C12orf42: variants seen among roughly 807,000 people sequenced by gnomAD.
C12orf42 encodes uncharacterized protein C12orf42.
A neutral mutation model predicts 21.6 loss-of-function variants in C12orf42; 25 were observed. The ratio of observed to expected loss-of-function variants is 1.16; its 90% CI spans 0.84 to 1.62. The LOEUF is 1.62. Among genes scored for constraint, C12orf42 ranks in the 40% most tolerant of loss-of-function variants. C12orf42 has a pLI of 0.00. For synonymous variants in C12orf42, 174 were observed against 175.0 expected, an observed-to-expected ratio of 0.99 and a Z score of 0.05; for missense variants, 483 against 459.3, an observed-to-expected ratio of 1.05 and a Z score of -0.47.
chr12:103,169,573 C>T, the C12orf42 span, among the ~76,000 whole-genome samples: 3 of 152,066 alleles, frequency 2.0e-5, no homozygotes, highest in African/African-American at 7.2e-5. Flanking sequence ...CTAGAAAACC[C>T]ACCTCCAGTG....
At chr12:103,368,317 T>TCACACACACACA (rs3065785) in intron 4 of C12orf42, among the ~76,000 whole-genome samples, 13 of 146,622 alleles carry the variant, frequency 8.9e-5, no homozygotes, top group African/African-American at 3.1e-4. Context: ...TCTCTCTCTC[T>TCACACACACACA]CACACACACA....
Position 103,294,371 on chromosome 12 carries a change from GAGAAAGA to G in C12orf42, n.338-17168_338-17162del, listed in dbSNP as rs1157155983. ...AAACATGGCAGAAAAAAAAAAGAAA[GAGAAAGA>G]AGAAAGAAGAAAAAGAAAGAAAGAA... On this transcript the variant is annotated intron_variant and non_coding_transcript_variant, in intron 4 of 6. Coordinates refer to the C12orf42 transcript ENST00000546526. Among the ~76,000 whole-genome samples, 8 of 124,180 alleles carry G rather than the reference GAGAAAGA, an allele frequency of 6.4e-5. No individual in the cohort carries two copies. In the South Asian group the frequency reaches 9.9e-4, roughly 15 times the overall value. 81.5% of individuals were successfully genotyped at this position (124,180 alleles called of 152,430 possible). A position where few individuals can be genotyped will look rare whatever the true frequency, so the allele number is the denominator to read the frequency against.
At position 103,302,172 on chromosome 12, in the gene C12orf42, C is replaced by T. The variant is rs372125844; in HGVS notation, c.1019G>A (p.Arg340Gln). 5.9e-6 allele frequency: 8 copies of T among 1,355,942 alleles called. No homozygotes were observed. The African/African-American group carries it at 1.0e-4, about 17-fold the overall frequency. 84.0% of individuals were successfully genotyped at this position (1,355,942 alleles called of 1,614,324 possible). The part of the protein sequence containing the change: ...VCSSAPPRPT[R>Q]RFHTVCSQAL... Reference sequence around the variant, plus strand: ...CTGTGAACAAACCGTATGGAAACGCCGGGTTGGGCGGGGGGGTGCTGAGGA... The same window carrying T: ...CTGTGAACAAACCGTATGGAAACGCTGGGTTGGGCGGGGGGGTGCTGAGGA... The change falls in exon 6 of 6, where the codon CGG becomes CAG. Residue 340 changes from arginine (R) to glutamine (Q), a missense_variant. Transcript: ENST00000548883.
chr12:103,513,852 T>TAA, the C12orf42 span, among the ~76,000 whole-genome samples: 1 of 143,068 alleles, frequency 7.0e-6, no homozygotes, highest in African/African-American at 2.6e-5. Context: ...TGAGGAAAAC[T>TAA]AAAAAAAAAA....
intron 3 of C12orf42, among the ~76,000 whole-genome samples, chr12:103,387,146 G>A (rs866495817): frequency 3.9e-5 from 6 of 152,162 alleles, no homozygotes; most frequent in African/African-American, 9.7e-5. Context: ...ATGTACCCAC[G>A]TACCTGTCAC....
Position 103,437,890 on chromosome 12 carries a change from T to C in C12orf42, c.79-36215A>G, listed in dbSNP as rs1422377697. ...CAATCAATAGAAAAAGAGGGAATCC[T>C]CCCTAATTCATTTTATGAGGCCAGC... On this transcript the variant is annotated intron_variant, in intron 2 of 5. Transcript: ENST00000548883. 2.1e-5 allele frequency among the ~76,000 whole-genome samples: 3 copies of C among 144,674 alleles called. No individual in the cohort carries two copies. The Admixed American group carries it at 2.1e-4, about 10-fold the overall frequency. 94.9% of individuals were successfully genotyped at this position (144,674 alleles called of 152,430 possible).
chr12:103,193,735 G>T, the C12orf42 span, among the ~76,000 whole-genome samples: 1 of 152,020 alleles, frequency 6.6e-6, no homozygotes, highest in Non-Finnish European at 1.5e-5. Context: ...AGGACCAGAA[G>T]GCTTTACAGG....
chr12:103,373,647 C>A (rs2138018443), intron 3 of C12orf42, among the ~76,000 whole-genome samples: 1 of 152,290 alleles, frequency 6.6e-6, no homozygotes, highest in East Asian at 1.9e-4. Context: ...CAGTATTCGT[C>A]CCACATGATC....
chr12:103,446,655 G>A (rs1304504969), intron 2 of C12orf42, among the ~76,000 whole-genome samples: 1 of 151,890 alleles, frequency 6.6e-6, no homozygotes, highest in African/African-American at 2.4e-5. Context: ...TTAAGGTAAA[G>A]GGGTGGAGAA....
At chr12:103,304,052 A>C (rs2038020908) in intron 5 of C12orf42, among the ~76,000 whole-genome samples, 1 of 152,182 alleles carries the variant, frequency 6.6e-6, no homozygotes, top group African/African-American at 2.4e-5. Flanking sequence ...CCTGAAAGCA[A>C]TTTAGTAATG....
At chr12:103,478,003 G>A (rs1004567162) in intron 2 of C12orf42, 7 of 187,810 alleles carry the variant, frequency 3.7e-5, no homozygotes, top group Non-Finnish European at 7.6e-5. Context: ...CAACTTCTTA[G>A]GAACAATACC....
At chr12:103,255,946 G>A (rs2034545040) in intron 10 of C12orf42, among the ~76,000 whole-genome samples, 1 of 147,364 alleles carries the variant, frequency 6.8e-6, no homozygotes, top group Non-Finnish European at 1.5e-5. Context: ...CCAGCTACTC[G>A]GGAGGCTGAG....
intron 1 of C12orf42, among the ~76,000 whole-genome samples, chr12:103,491,574 G>T (rs1414222832): frequency 6.6e-6 from 1 of 152,196 alleles, no homozygotes; most frequent in Non-Finnish European, 1.5e-5. Context: ...TTCTCCTTTT[G>T]CTTCCCTGTG....
the C12orf42 span, among the ~76,000 whole-genome samples, chr12:103,065,105 T>C: frequency 6.6e-6 from 1 of 152,074 alleles, no homozygotes. Context: ...TCAAAAACAG[T>C]ATTGGATCCC....
chr12:103,091,165 C>G, the C12orf42 span, among the ~76,000 whole-genome samples: 1 of 152,108 alleles, frequency 6.6e-6, no homozygotes, highest in Non-Finnish European at 1.5e-5. Context: ...CTAGCACATT[C>G]ATGTGGGATT....
At chr12:103,195,342 T>C in the C12orf42 span, among the ~76,000 whole-genome samples, 7 of 152,330 alleles carry the variant, frequency 4.6e-5, no homozygotes, top group East Asian at 1.3e-3. Context: ...ATGATGGTTC[T>C]GTTTTAAGTT....
At chr12:103,089,056 C>T in the C12orf42 span, among the ~76,000 whole-genome samples, 3 of 143,882 alleles carry the variant, frequency 2.1e-5, no homozygotes, top group Non-Finnish European at 4.5e-5. Flanking sequence ...GAGCTGAGAT[C>T]GCGCCACTGC....
At chr12:103,196,773 A>AT in the C12orf42 span, among the ~76,000 whole-genome samples, 185 of 151,692 alleles carry the variant, frequency 1.2e-3, no homozygotes, top group African/African-American at 3.9e-3. Flanking sequence ...TGCTTGATAG[A>AT]TTTTTTCCAT....
At chr12:103,146,825 A>G in the C12orf42 span, among the ~76,000 whole-genome samples, 10 of 152,328 alleles carry the variant, frequency 6.6e-5, no homozygotes, top group East Asian at 1.9e-4. Flanking sequence ...TTATCTACCA[A>G]TTGTGGTTTG....
Sources: allele counts gnomAD v4.1 joint callset (sites outside exome capture counted in the v4.1 genomes callset), GRCh38; gene constraint gnomAD v4.1.1; transcripts MANE v1.5; gene names NCBI Gene and HGNC (gene_info 2026-07-23, HGNC 2026-07-21).